ARHGAP5: variants seen among roughly 807,000 people sequenced by gnomAD.
ARHGAP5 encodes rho GTPase-activating protein 5.
ARHGAP5 carries 23 observed loss-of-function variants against 116.6 expected under a neutral mutation model. The ratio of observed to expected loss-of-function variants is 0.20; its 90% confidence interval spans 0.14 to 0.28. The LOEUF (loss-of-function observed/expected upper bound fraction) is 0.28. Ranked by LOEUF, ARHGAP5 falls within the 10% of genes least tolerant of loss-of-function variation. The pLI, the probability that ARHGAP5 is intolerant of heterozygous loss-of-function variation, is 1.00. For synonymous variants in ARHGAP5, 574 were observed against 602.0 expected (o/e 0.95, Z 0.68); for missense variants, 1,405 against 1,774.8 (o/e 0.79, Z 3.74).
chr14:32,092,620 G>T lies in ARHGAP5; in HGVS notation c.1951G>T (p.Ala651Ser). Residue 651 changes from alanine to serine, a missense_variant, in exon 2 of 7, where the codon GCC (alanine) becomes TCC (serine). Around this residue, in one of 6 missense-constraint regions of ARHGAP5, gnomAD observed 944 missense variants for 1,095.3 expected, o/e 0.86. Coordinates refer to ENST00000345122, the MANE Select transcript of ARHGAP5 (RefSeq NM_001030055.2). The surrounding 1 kb of genome is among the most constrained non-coding windows in gnomAD (Gnocchi z 4.1). ...TTACTTTTTGAGTCAGTTATGGACTGCCGCCTTTAAACCACATGGGTGCTT... is the reference window on the plus strand; with the variant it reads ...TTACTTTTTGAGTCAGTTATGGACTTCCGCCTTTAAACCACATGGGTGCTT... ...SPYFLSQLWTAAFKPHGCFCV... is the reference protein window; with the variant it reads ...SPYFLSQLWTSAFKPHGCFCV... The T allele has an allele frequency of 6.2e-7, 1 of 1,613,864 alleles. No individual in the cohort carries two copies. Among genetic ancestry groups the T allele is most frequent in the Non-Finnish European group, 8.5e-7 (1 of 1,179,890 alleles).
intron 3 of ARHGAP5, among the ~76,000 whole-genome samples, chr14:32,131,484 T>G (rs1880492070): frequency 6.6e-6 from 1 of 152,192 alleles, no homozygotes; most frequent in Non-Finnish European, 1.5e-5. Context: ...TGAAACTGTA[T>G]TTTTATGAAA....
chr14:32,125,460 C>T lies in ARHGAP5; in HGVS notation c.3865+8173C>T, dbSNP rs151150240. 4.1e-3 allele frequency among the ~76,000 whole-genome samples: 617 copies of T among 152,282 alleles called. 6 individuals are homozygous for T. The highest frequency in any genetic ancestry group is 0.014 in the African/African-American group (600 of 41,546). ...GTGAACATTCATGTGTACAACTATT[C>T]GTTCAAGTACCTGTTTTCAATTATT... On this transcript the variant is annotated intron_variant, in intron 3 of 6. Coordinates refer to ENST00000345122, the MANE Select transcript of ARHGAP5 (RefSeq NM_001030055.2).
chr14:32,157,332 C>T lies in ARHGAP5; in HGVS notation c.*2384C>T, dbSNP rs1881934143. 6.6e-6 allele frequency: 1 copy of T among 152,104 alleles called. No homozygotes were observed. The highest frequency in any genetic ancestry group is 6.6e-5 in the Admixed American group (1 of 15,248). 9.4% of individuals were successfully genotyped at this position (152,104 alleles called of 1,614,324 possible). A position where few individuals can be genotyped will look rare whatever the true frequency, so the allele number is the denominator to read the frequency against. ...AATTAAACTTTTTTCTGGTAAGTTA[C>T]TGGAAGGTTTCACTGTTTAGGGACC... On this transcript the variant is annotated 3_prime_UTR_variant, in exon 7 of 7. Transcript: ENST00000345122.
chr14:32,140,087 GTTATTTGTTC>G (rs1881030160), intron 3 of ARHGAP5, among the ~76,000 whole-genome samples: 4 of 29,860 alleles, frequency 1.3e-4, no homozygotes, highest in Non-Finnish European at 2.2e-4. Context: ...TTTTTTTTAG[GTTATTTGTTC>G]TTTTTTTTTT....
intron 2 of ARHGAP5, among the ~76,000 whole-genome samples, chr14:32,097,590 T>C (rs1594351612): frequency 1.3e-5 from 2 of 152,056 alleles, no homozygotes; most frequent in Admixed American, 6.5e-5. Flanking sequence ...ATCACTTCTA[T>C]TCAGTGTTAT....
intron 3 of ARHGAP5, among the ~76,000 whole-genome samples, chr14:32,140,897 A>G (rs998128780): frequency 3.3e-5 from 5 of 152,192 alleles, no homozygotes; most frequent in Non-Finnish European, 7.4e-5. Context: ...TCTGTTCATT[A>G]TTATAGTGGA....
At chr14:32,131,324 G>GTTAAAATTTGTATTAATTGTGTTAAAA (rs1555358447) in intron 3 of ARHGAP5, among the ~76,000 whole-genome samples, 1 of 132,430 alleles carries the variant, frequency 7.6e-6, no homozygotes, top group Non-Finnish European at 1.6e-5. Flanking sequence ...TATTAATTGT[G>GTTAAAATTTGTATTAATTGTGTTAAAA]TTAATTTTGT....
At chr14:32,148,691 G>T (rs559991068) in intron 4 of ARHGAP5, among the ~76,000 whole-genome samples, 1 of 152,060 alleles carries the variant, frequency 6.6e-6, no homozygotes, top group African/African-American at 2.4e-5. Context: ...AATTGTTTAT[G>T]TAGGGCAAAA....
At chr14:32,126,465 A>G (rs1409785620) in intron 3 of ARHGAP5, among the ~76,000 whole-genome samples, 1 of 152,112 alleles carries the variant, frequency 6.6e-6, no homozygotes, top group Non-Finnish European at 1.5e-5. Context: ...TCTTCTTTTC[A>G]TAAGGACATC....
intron 3 of ARHGAP5, among the ~76,000 whole-genome samples, chr14:32,122,834 G>A (rs1879955734): frequency 6.6e-6 from 1 of 152,050 alleles, no homozygotes. Flanking sequence ...GTTTATTTCT[G>A]GACTCATATT....
intron 2 of ARHGAP5, among the ~76,000 whole-genome samples, chr14:32,100,024 G>A (rs1401134636): frequency 6.6e-6 from 1 of 152,116 alleles, no homozygotes; most frequent in African/African-American, 2.4e-5. Flanking sequence ...TTAAAATCAT[G>A]ACCCATTATA....
intron 3 of ARHGAP5, among the ~76,000 whole-genome samples, chr14:32,133,209 T>C (rs1594382520): frequency 6.6e-6 from 1 of 152,350 alleles, no homozygotes; most frequent in East Asian, 1.9e-4. Context: ...TGATTCTTCC[T>C]ACCCATGAGC....
At chr14:32,131,664 A>G (rs1274827092) in intron 3 of ARHGAP5, among the ~76,000 whole-genome samples, 3 of 152,140 alleles carry the variant, frequency 2.0e-5, no homozygotes, top group African/African-American at 4.8e-5. Context: ...TACATGTGCC[A>G]TGTTGGTGTG....
At position 32,117,242 on chromosome 14, in the gene ARHGAP5, A is replaced by G; in HGVS notation, c.3820A>G (p.Ile1274Val). The G allele has an allele frequency of 1.2e-6, 2 of 1,610,568 alleles. No individual in the cohort carries two copies. The highest frequency in any genetic ancestry group is 8.5e-7 in the Non-Finnish European group (1 of 1,177,856). Residue 1274 changes from isoleucine (I) to valine (V), a missense_variant, in exon 3 of 7, where the codon ATA becomes GTA. Coordinates refer to ENST00000345122, the MANE Select transcript of ARHGAP5 (RefSeq NM_001030055.2). ...GGATCTGGTTACAGCTGAGAAGCCC[A>G]TACCACTATTTGTTGAGAAATGTGT... Reference protein sequence around the residue: ...LQDLVTAEKPIPLFVEKCVEF... With the variant: ...LQDLVTAEKPVPLFVEKCVEF...
chr14:32,113,245 A>T (rs1879399361), intron 2 of ARHGAP5, among the ~76,000 whole-genome samples: 1 of 152,252 alleles, frequency 6.6e-6, no homozygotes. Flanking sequence ...ACTTACAGAA[A>T]AAAGGAATCG....
chr14:32,132,836 A>G (rs1277463197), intron 3 of ARHGAP5, among the ~76,000 whole-genome samples: 1 of 152,208 alleles, frequency 6.6e-6, no homozygotes, highest in Non-Finnish European at 1.5e-5. Flanking sequence ...CATTTATTAA[A>G]TAGGGAATCC....
Position 32,093,737 on chromosome 14 carries a change from G to A in ARHGAP5, c.3068G>A (p.Ser1023Asn). Residue 1023 changes from serine (S) to asparagine (N), a missense_variant, in exon 2 of 7, where the codon AGT (serine) becomes AAT (asparagine). Transcript: ENST00000345122. ...DLEGNEYPIH[S>N]TPNCHDHERN... ...GAAGGAAATGAGTATCCTATTCATA[G>A]TACCCCAAACTGTCATGACCATGAA... is the stretch of plus-strand genomic sequence containing the variant. 2.5e-6 allele frequency: 4 copies of A among 1,614,032 alleles called. No individual in the cohort carries two copies. Among genetic ancestry groups the A allele is most frequent in the Middle Eastern group, 1.6e-4 (1 of 6,062 alleles).
In ARHGAP5 at chr14:32,090,905, T is replaced by C; in HGVS notation, c.236T>C (p.Ile79Thr). The C allele has an allele frequency of 6.2e-7, 1 of 1,613,660 alleles. No individual in the cohort carries two copies. The highest frequency in any genetic ancestry group is 8.5e-7 in the Non-Finnish European group (1 of 1,179,638). The change falls in exon 2 of 7, where the codon ATA (isoleucine) becomes ACA (threonine). Residue 79 changes from isoleucine to threonine, a missense_variant. This residue lies in a region of ARHGAP5 where 190 missense variants were observed against 314.9 expected (regional missense o/e 0.60). Transcript: ENST00000345122. ...NDHFLYWGDIIQNSEDGVECK... is the reference protein window; with the variant it reads ...NDHFLYWGDITQNSEDGVECK... ...CACTTTTTGTACTGGGGTGACATAA[T>C]ACAAAATAGTGAAGATGGAGTAGAA...
At chr14:32,089,432 G>A (rs2041862786) in intron 1 of ARHGAP5, among the ~76,000 whole-genome samples, 1 of 151,730 alleles carries the variant, frequency 6.6e-6, no homozygotes, top group Non-Finnish European at 1.5e-5. Context: ...GAAATTTGGA[G>A]GTGGTGGAAA....
Sources: gnomAD v4.1 joint callset for allele counts (sites outside exome capture counted in the v4.1 genomes callset) on GRCh38, gnomAD v4.1.1 for gene constraint, gnomAD v4.1.1 regional missense constraint, Gnocchi (gnomAD v3.1) non-coding constraint, MANE v1.5 for transcripts, NCBI Gene and HGNC (gene_info 2026-07-23, HGNC 2026-07-21) for gene names.